The following U2AF2 variants were observed in gnomAD, a reference collection of about 807,000 sequenced individuals.
U2AF2 encodes splicing factor U2AF 65 kDa subunit.
Under a neutral mutation model 52.6 loss-of-function variants are expected in U2AF2, and 6 were observed. The ratio of observed to expected loss-of-function variants is 0.11; its 90% CI spans 0.06 to 0.23. The LOEUF (loss-of-function observed/expected upper bound fraction) is 0.23, where lower values mean the gene tolerates loss of function less well. U2AF2 is among the 10% of genes least tolerant of loss of function. The probability of loss-of-function intolerance (pLI) is 1.00; values close to 1 mark genes in which losing one functional copy is unlikely to be tolerated. For synonymous variants in U2AF2, 284 were observed against 258.2 expected (o/e 1.10, Z -0.96); for missense variants, 222 against 677.1 (o/e 0.33, Z 7.46).
Position 55,668,469 on chromosome 19 carries a change from G to A in U2AF2, c.743-38G>A, listed in dbSNP as rs368954505. On this transcript the variant is annotated intron_variant, in intron 7 of 11. Coordinates refer to ENST00000308924, the MANE Select transcript of U2AF2 (RefSeq NM_007279.3). This position sits in a 1 kb window ranked among gnomAD's most constrained non-coding sequence, Gnocchi z 5.5. ...CTGTCCAGGTTTTGGGAGATAACCT[G>A]GTACTGGAATTGAAGTCCTCCTCTT... The A allele has an allele frequency of 3.9e-6, 6 of 1,534,340 alleles. No individual in the cohort carries two copies. In the African/African-American group the frequency reaches 6.9e-5, roughly 18 times the overall value.
Position 55,660,507 on chromosome 19 carries a change from C to CCG in U2AF2, c.231-9_231-8insCG. Reference sequence around the variant, plus strand: ...GCCCTGCCCCGCTCTCCCCTCCCACCTCCCCCAGTCGTTCCCCCCGCCACG... The same window carrying CCG: ...GCCCTGCCCCGCTCTCCCCTCCCACCCGTCCCCCAGTCGTTCCCCCCGCCACG... On this transcript the variant is annotated splice_polypyrimidine_tract_variant and intron_variant, in intron 3 of 11. Transcript: ENST00000308924. 2 of 1,309,712 alleles carry CCG rather than the reference C, an allele frequency of 1.5e-6. No individual in the cohort carries two copies. The highest frequency in any genetic ancestry group is 2.2e-6 in the Non-Finnish European group (2 of 925,836). 81.1% of individuals were successfully genotyped at this position (1,309,712 alleles called of 1,614,324 possible). A position where few individuals can be genotyped will look rare whatever the true frequency, so the allele number is the denominator to read the frequency against.
chr19:55,672,923 G>A (rs1014516830), intron 11 of U2AF2, among the ~76,000 whole-genome samples: 3 of 151,560 alleles, frequency 2.0e-5, no homozygotes, highest in Non-Finnish European at 2.9e-5. Flanking sequence ...GATTACAGGC[G>A]TGAGCCACCG....
chr19:55,655,818 G>A (rs1336694221), intron 1 of U2AF2, among the ~76,000 whole-genome samples: 2 of 152,258 alleles, frequency 1.3e-5, no homozygotes, highest in Non-Finnish European at 2.9e-5. Flanking sequence ...TTGCCTAAAA[G>A]CATCTGCATT....
chr19:55,674,059 C>G lies in U2AF2; in HGVS notation c.1419C>G (p.Asp473Glu). 1 of 1,381,852 alleles carries G rather than the reference C, an allele frequency of 7.2e-7. No individual in the cohort carries two copies. The highest frequency in any genetic ancestry group is 9.7e-7 in the Non-Finnish European group (1 of 1,030,198). 85.6% of individuals were successfully genotyped at this position (1,381,852 alleles called of 1,614,324 possible). A position where few individuals can be genotyped will look rare whatever the true frequency, so the allele number is the denominator to read the frequency against. The change falls in exon 12 of 12, where the codon GAC becomes GAG. Residue 473 changes from aspartate (D) to glutamate (E), a missense_variant. Coordinates refer to ENST00000308924, the MANE Select transcript of U2AF2 (RefSeq NM_007279.3). Reference sequence around the variant, plus strand: ...ACCCCGACTCTTATCACCGCCGGGACTTCTGGTAGAGGCGGCTGGGGGAGG... The same window carrying G: ...ACCCCGACTCTTATCACCGCCGGGAGTTCTGGTAGAGGCGGCTGGGGGAGG... ...YCDPDSYHRR[D>E]FW
At chr19:55,655,507 T>C (rs1172511439) in intron 1 of U2AF2, among the ~76,000 whole-genome samples, 2 of 152,278 alleles carry the variant, frequency 1.3e-5, no homozygotes, top group East Asian at 1.9e-4. Flanking sequence ...AAGGAGATTA[T>C]GTTAGTCCCC....
intron 6 of U2AF2, among the ~76,000 whole-genome samples, 157 bp from the exon 7 acceptor site, chr19:55,663,449 A>C (rs1201432794): frequency 6.6e-6 from 1 of 152,148 alleles, no homozygotes; most frequent in Non-Finnish European, 1.5e-5. Context: ...CAGCAGGGAC[A>C]TGCGTGTCTG....
chr19:55,665,610 A>G lies in U2AF2; in HGVS notation c.742+1866A>G, dbSNP rs528293781. Among the ~76,000 whole-genome samples, 87 of 152,264 alleles carry G rather than the reference A, an allele frequency of 5.7e-4. 1 individual carries two copies. The South Asian group carries it at 0.018, about 31-fold the overall frequency. On this transcript the variant is annotated intron_variant, in intron 7 of 11. Coordinates refer to ENST00000308924, the MANE Select transcript of U2AF2 (RefSeq NM_007279.3). ...TACGACACAGGGATTGGCAGGTTAC[A>G]ACTGAGAGTCCAACGCTGGCCCACT...
At chr19:55,657,714 A>G (rs1213177552) in intron 1 of U2AF2, among the ~76,000 whole-genome samples, 1 of 152,208 alleles carries the variant, frequency 6.6e-6, no homozygotes, top group East Asian at 1.9e-4. Flanking sequence ...TTATATTGTC[A>G]TTAATGGTTC....
In U2AF2 at chr19:55,668,936, C is replaced by A; in HGVS notation, c.945+144C>A. 1 of 1,502,192 alleles carries A rather than the reference C, an allele frequency of 6.7e-7. No individual in the cohort carries two copies. The highest frequency in any genetic ancestry group is 2.3e-5 in the East Asian group (1 of 43,524). The allele number at this position is 1,502,192 out of a possible 1,614,324, so 93.1% of individuals were successfully genotyped here. ...CCTGTGTGTGGGCTCGTCCCTGTCC[C>A]ATGGCGTTGGCTTTTTCCAGGCTCT... On this transcript the variant is annotated intron_variant, in intron 9 of 11. Coordinates refer to ENST00000308924, the MANE Select transcript of U2AF2 (RefSeq NM_007279.3). This position sits in a 1 kb window ranked among gnomAD's most constrained non-coding sequence, Gnocchi z 5.5.
At position 55,668,928 on chromosome 19, in the gene U2AF2, C is replaced by T. The variant is rs1984709783; in HGVS notation, c.945+136C>T. The stretch of plus-strand genomic sequence containing the variant: ...GGCAGTGCCCTGTGTGTGGGCTCGT[C>T]CCTGTCCCATGGCGTTGGCTTTTTC... On this transcript the variant is annotated intron_variant, in intron 9 of 11. Transcript: ENST00000308924. The surrounding 1 kb of genome is among the most constrained non-coding windows in gnomAD (Gnocchi z 5.5). 1 of 1,509,468 alleles carries T rather than the reference C, an allele frequency of 6.6e-7. No individual in the cohort carries two copies. Among genetic ancestry groups the T allele is most frequent in the Non-Finnish European group, 8.9e-7 (1 of 1,120,988 alleles). 93.5% of individuals were successfully genotyped at this position (1,509,468 alleles called of 1,614,324 possible).
At chr19:55,667,411 T>G (rs924768922) in intron 7 of U2AF2, among the ~76,000 whole-genome samples, 1 of 152,146 alleles carries the variant, frequency 6.6e-6, no homozygotes, top group Non-Finnish European at 1.5e-5. Flanking sequence ...TACCGGGGCC[T>G]GGCATAGCTG....
chr19:55,661,535 C>G (rs866571758), intron 5 of U2AF2, among the ~76,000 whole-genome samples: 1 of 135,624 alleles, frequency 7.4e-6, no homozygotes, highest in Non-Finnish European at 1.6e-5. Context: ...CACACACACA[C>G]ACACACAGAC....
chr19:55,663,460 T>C (rs1330206783), intron 6 of U2AF2, 146 bp from the exon 7 acceptor site: 1 of 1,251,918 alleles, frequency 8.0e-7, no homozygotes, highest in African/African-American at 1.5e-5. Context: ...TGCGTGTCTG[T>C]TGTACTCCCA....
At chr19:55,655,544 G>T (rs1983732570) in intron 1 of U2AF2, among the ~76,000 whole-genome samples, 1 of 152,380 alleles carries the variant, frequency 6.6e-6, no homozygotes, top group Middle Eastern at 3.4e-3. Flanking sequence ...CGCTGCCTTG[G>T]CACTTCCGCT....
At chr19:55,667,279 C>G (rs899223301) in intron 7 of U2AF2, among the ~76,000 whole-genome samples, 7 of 152,124 alleles carry the variant, frequency 4.6e-5, no homozygotes, top group Non-Finnish European at 1.0e-4. Context: ...TCCTGTCTTA[C>G]CTATTCCTTC....
At chr19:55,672,945 T>C (rs1468389843) in intron 11 of U2AF2, among the ~76,000 whole-genome samples, 2 of 136,792 alleles carry the variant, frequency 1.5e-5, no homozygotes, top group Non-Finnish European at 3.2e-5. Flanking sequence ...GCCCGGCCAA[T>C]AATTTTTTTT....
chr19:55,656,686 C>T (rs1346061226), intron 1 of U2AF2, among the ~76,000 whole-genome samples: 1 of 152,178 alleles, frequency 6.6e-6, no homozygotes, highest in African/African-American at 2.4e-5. Context: ...ATGATTTCCA[C>T]CTCTACTGGG....
At chr19:55,657,154 C>T (rs1471930846) in intron 1 of U2AF2, among the ~76,000 whole-genome samples, 2 of 152,244 alleles carry the variant, frequency 1.3e-5, no homozygotes, top group African/African-American at 2.4e-5. Context: ...TTCACCGGTT[C>T]TCCCGGGGTT....
intron 1 of U2AF2, among the ~76,000 whole-genome samples, chr19:55,658,545 G>A (rs1983947987): frequency 2.0e-5 from 3 of 152,168 alleles, no homozygotes; most frequent in Admixed American, 2.0e-4. Context: ...AGATTCAAGT[G>A]GTTTGGGATT....
Sources: gnomAD v4.1 joint callset for allele counts (sites outside exome capture counted in the v4.1 genomes callset) on GRCh38, gnomAD v4.1.1 for gene constraint, Gnocchi (gnomAD v3.1) non-coding constraint, MANE v1.5 for transcripts, NCBI Gene and HGNC (gene_info 2026-07-23, HGNC 2026-07-21) for gene names.